The following ARSG variants were observed in gnomAD, a reference collection of about 807,000 sequenced individuals.
ARSG encodes the protein ASG.
Under a neutral mutation model 50.5 loss-of-function variants are expected in ARSG, and 37 were observed. The ratio of observed to expected loss-of-function variants is 0.73; its 90% CI spans 0.56 to 0.96. ARSG has a LOEUF of 0.96. Among genes scored for constraint, ARSG ranks in the 50% least tolerant of loss-of-function variants. ARSG has a pLI of 0.00. For synonymous variants in ARSG, 225 were observed against 254.6 expected (o/e 0.88, Z 1.11); for missense variants, 629 against 675.3 (o/e 0.93, Z 0.76).
At chr17:68,404,129 T>C (rs1300847625) in intron 11 of ARSG, among the ~76,000 whole-genome samples, 2 of 152,180 alleles carry the variant, frequency 1.3e-5, no homozygotes, top group African/African-American at 4.8e-5. Context: ...TTGGGTTGGG[T>C]CCAAGTCTTT....
chr17:68,260,297 G>A (rs1555744981), intron 1 of ARSG, among the ~76,000 whole-genome samples: 4 of 152,122 alleles, frequency 2.6e-5, no homozygotes, highest in Non-Finnish European at 4.4e-5. Context: ...TTTTCACTGT[G>A]CTGCATGACC....
chr17:68,276,559 G>A (rs1209254819), intron 1 of ARSG, among the ~76,000 whole-genome samples: 4 of 151,820 alleles, frequency 2.6e-5, no homozygotes, highest in Middle Eastern at 3.4e-3. Context: ...AGCAATTCTC[G>A]CTCTGCAGCC....
chr17:68,269,936 G>A (rs1475008755), intron 1 of ARSG, among the ~76,000 whole-genome samples: 12 of 152,176 alleles, frequency 7.9e-5, no homozygotes, highest in African/African-American at 2.6e-4. Flanking sequence ...TCCTCCCAAA[G>A]TGTTGGGATT....
the ARSG span, chr17:68,429,022 G>T: frequency 1.0e-6 from 1 of 993,644 alleles, no homozygotes. Flanking sequence ...CCTCACCCTA[G>T]CTGTCACCAG....
rs1701295912 is a variant in ARSG at position 68,342,201 on chromosome 17, C to A, written c.219-1403C>A. 2.0e-5 allele frequency among the ~76,000 whole-genome samples: 3 copies of A among 152,036 alleles called. No individual in the cohort carries two copies. In the South Asian group the frequency reaches 6.2e-4, roughly 32 times the overall value. On this transcript the variant is annotated intron_variant, in intron 2 of 11. Coordinates refer to ENST00000621439, the MANE Select transcript of ARSG (RefSeq NM_001267727.2). The stretch of plus-strand genomic sequence containing the variant: ...GAATTGGGGAATACTGACTCTTTTG[C>A]TCCCAGGGAAAATATGGAGTTAGCT...
At chr17:68,336,215 C>CT (rs2078012821) in intron 2 of ARSG, among the ~76,000 whole-genome samples, 1 of 150,734 alleles carries the variant, frequency 6.6e-6, no homozygotes, top group South Asian at 2.1e-4. Context: ...CTTTTCTTTT[C>CT]TTTCTTTTTT....
intron 1 of ARSG, among the ~76,000 whole-genome samples, chr17:68,300,405 T>C (rs1555761317): frequency 6.6e-6 from 1 of 152,192 alleles, no homozygotes; most frequent in Admixed American, 6.5e-5. Flanking sequence ...ACTTCCATAA[T>C]AAAATGTTTA....
At chr17:68,432,566 G>A in the ARSG span, among the ~76,000 whole-genome samples, 1 of 152,148 alleles carries the variant, frequency 6.6e-6, no homozygotes, top group Admixed American at 6.6e-5. Context: ...AAGGTGCCCG[G>A]CCTCTGTCAT....
rs781793732 is a variant in ARSG at position 68,272,783 on chromosome 17, C to A, written c.-552+13357C>A. 2.9e-5 allele frequency: 46 copies of A among 1,612,460 alleles called. No individual in the cohort carries two copies. The South Asian group carries it at 4.5e-4, about 16-fold the overall frequency. ...TATCCCAGACCTGTGAAAGAAAAGT[C>A]AAAAAAGCCAATGAGACCCACATAC... On this transcript the variant is annotated intron_variant, in intron 1 of 11. Coordinates refer to the ARSG transcript ENST00000448504.
chr17:68,444,472 T>C, the ARSG span: 3 of 1,601,718 alleles, frequency 1.9e-6, no homozygotes, highest in Non-Finnish European at 2.6e-6. Context: ...CAGGGACATT[T>C]GTTCCATTTT....
intron 9 of ARSG, among the ~76,000 whole-genome samples, chr17:68,389,600 C>T (rs894008335): frequency 6.6e-6 from 1 of 152,094 alleles, no homozygotes; most frequent in Non-Finnish European, 1.5e-5. Flanking sequence ...ATGATCCCTA[C>T]TGTTCCCTGT....
At chr17:68,259,191 C>G (rs575566872) in exon 1 of ARSG, 4 of 152,278 alleles carry the variant, frequency 2.6e-5, no homozygotes, top group African/African-American at 9.6e-5. Flanking sequence ...CGGCTGCGCC[C>G]AGGCCGGCGG....
At chr17:68,263,352 T>A (rs185159908) in intron 1 of ARSG, among the ~76,000 whole-genome samples, 1 of 152,302 alleles carries the variant, frequency 6.6e-6, no homozygotes, top group East Asian at 1.9e-4. Flanking sequence ...TAAACACAAA[T>A]CTGAAAACAA....
intron 1 of ARSG, among the ~76,000 whole-genome samples, chr17:68,272,473 T>G (rs2075373305): frequency 6.6e-6 from 1 of 151,878 alleles, no homozygotes; most frequent in African/African-American, 2.4e-5. Context: ...AAAGTGGGGG[T>G]TAGGGAGGAC....
At chr17:68,348,229 C>T (rs1453902099) in intron 4 of ARSG, among the ~76,000 whole-genome samples, 1 of 152,186 alleles carries the variant, frequency 6.6e-6, no homozygotes, top group Non-Finnish European at 1.5e-5. Context: ...CTTTTGCACT[C>T]ACTAAAAATT....
chr17:68,344,106 G>A (rs924003374), intron 3 of ARSG, among the ~76,000 whole-genome samples: 20 of 152,208 alleles, frequency 1.3e-4, no homozygotes, highest in African/African-American at 4.6e-4. Context: ...GGTGTTTGGT[G>A]TTTGTCCTCA....
intron 1 of ARSG, among the ~76,000 whole-genome samples, chr17:68,261,259 C>T (rs2075067543): frequency 2.0e-5 from 3 of 152,220 alleles, no homozygotes; most frequent in Admixed American, 2.0e-4. Flanking sequence ...TCATGGAGCA[C>T]CGCCTACTGG....
intron 1 of ARSG, chr17:68,267,099 C>G (rs782623504): frequency 6.6e-6 from 1 of 152,134 alleles, no homozygotes; most frequent in Non-Finnish European, 1.5e-5. Flanking sequence ...CAGAACAGAT[C>G]AGCAATCTTG....
rs770619349 is a variant in ARSG at position 68,273,640 on chromosome 17, GTCTTACTTTGTAAAAATGCTATCTT to G, written c.-552+14216_-552+14240del. Among the ~76,000 whole-genome samples, 11 of 152,190 alleles carry G rather than the reference GTCTTACTTTGTAAAAATGCTATCTT, an allele frequency of 7.2e-5. 1 individual carries two copies. Among genetic ancestry groups the G allele is most frequent in the Non-Finnish European group, 1.5e-5 (1 of 68,010 alleles). On this transcript the variant is annotated intron_variant, in intron 1 of 11. Coordinates refer to the ARSG transcript ENST00000448504. Reference sequence around the variant, plus strand: ...TGAGAAATACTGGCTACAGAAATTCGTCTTACTTTGTAAAAATGCTATCTTTTGGCTGCAAATACAGCAAAAGAGA... The same window carrying G: ...TGAGAAATACTGGCTACAGAAATTCGTTGGCTGCAAATACAGCAAAAGAGA...
Sources: allele counts gnomAD v4.1 joint callset (sites outside exome capture counted in the v4.1 genomes callset), GRCh38; gene constraint gnomAD v4.1.1; transcripts MANE v1.5; gene names NCBI Gene and HGNC (gene_info 2026-07-23, HGNC 2026-07-21).